PARP4: variants seen among roughly 807,000 people sequenced by gnomAD.
The protein encoded by PARP4 is protein mono-ADP-ribosyltransferase PARP4.
PARP4 carries 120 observed loss-of-function variants against 187.7 expected under a neutral mutation model. The ratio of observed to expected loss-of-function variants is 0.64; its 90% CI spans 0.55 to 0.74. The LOEUF (loss-of-function observed/expected upper bound fraction) is 0.74, where lower values mean the gene tolerates loss of function less well. Ranked by LOEUF, PARP4 falls within the 30% of genes least tolerant of loss-of-function variation. PARP4 has a pLI of 0.00. For missense variants in PARP4, 1,836 were observed against 2,070.5 expected (o/e 0.89, Z 2.20); for synonymous variants, 654 against 740.9 (o/e 0.88, Z 1.90).
intron 31 of PARP4, among the ~76,000 whole-genome samples, 175 bp downstream of exon 31, chr13:24,434,220 G>A (rs1565987668): frequency 6.6e-6 from 1 of 151,664 alleles, no homozygotes; most frequent in African/African-American, 2.4e-5. Flanking sequence ...TGTCTGTTTT[G>A]TTTTGTAGCA....
At chr13:24,423,679 T>TG (rs1460657373) in intron 33 of PARP4, among the ~76,000 whole-genome samples, 1 of 152,122 alleles carries the variant, frequency 6.6e-6, no homozygotes, top group Non-Finnish European at 1.5e-5. Flanking sequence ...TAGTAAATTA[T>TG]GATTTTCTTT....
intron 17 of PARP4, among the ~76,000 whole-genome samples, chr13:24,465,753 C>T (rs1037862696): frequency 6.9e-6 from 1 of 144,098 alleles, no homozygotes; most frequent in South Asian, 2.4e-4. Context: ...GCATGTCTTG[C>T]ACATGTATCC....
chr13:24,425,569 GTATATCTA>G (rs1207919154), intron 33 of PARP4, among the ~76,000 whole-genome samples: 9 of 136,730 alleles, frequency 6.6e-5, no homozygotes, highest in African/African-American at 1.1e-4. Context: ...GTGTGTGTGT[GTATATCTA>G]TATCTATATC....
rs754464189 is a variant in PARP4, at chr13:24,500,311, A to G, written c.401+5T>C. 1 of 1,560,918 alleles carries G rather than the reference A, an allele frequency of 6.4e-7. No homozygotes were observed. The highest frequency in any genetic ancestry group is 1.2e-5 in the South Asian group (1 of 86,396). ...AGTCCCAGGAATCAGAAAGAAGTAAATTACTCAGTGAGTTCCACAGTGTCT... is the reference window on the plus strand; with the variant it reads ...AGTCCCAGGAATCAGAAAGAAGTAAGTTACTCAGTGAGTTCCACAGTGTCT... On this transcript the variant is annotated splice_donor_5th_base_variant and intron_variant, in intron 4 of 33. Transcript: ENST00000381989.
intron 2 of PARP4, 38 bp downstream of exon 2, chr13:24,503,607 T>C (rs530200668): frequency 2.5e-6 from 4 of 1,609,096 alleles, no homozygotes; most frequent in Admixed American, 3.3e-5. Flanking sequence ...GAATGCGCAA[T>C]GTTTTATCAC....
Position 24,494,628 on chromosome 13 carries a change from A to G in PARP4, c.686T>C (p.Leu229Pro). 1 of 1,611,502 alleles carries G rather than the reference A, an allele frequency of 6.2e-7. No individual in the cohort carries two copies. Among genetic ancestry groups the G allele is most frequent in the Non-Finnish European group, 8.5e-7 (1 of 1,178,062 alleles). The change falls in exon 7 of 34, where the codon CTA becomes CCA. Residue 229 changes from leucine to proline, a missense_variant. Physicochemically the swap from Leu to Pro is moderately conservative, Grantham distance 98 (BLOSUM62 -3). Coordinates refer to ENST00000381989, the MANE Select transcript of PARP4 (RefSeq NM_006437.4). ...IEELKKQGFL[L>P]REHFTPEATQ... ...TGCTTCAGGTGTGAAATGTTCTCTT[A>G]GTAGAAATCCTTGTTTCTTCAGTTC...
At chr13:24,434,275 C>T in intron 31 of PARP4, 120 bp downstream of exon 31, 2 of 891,092 alleles carry the variant, frequency 2.2e-6, no homozygotes, top group Non-Finnish European at 3.3e-6. Context: ...ACCCAGTGTA[C>T]AACCCCTTCC....
rs1871654374 is a variant in PARP4, at chr13:24,453,621, A to G, written c.2792T>C (p.Ile931Thr). ...CTCTGCTGCCATGGTATTGCTTGTG[A>G]TATGCTTAGGATACGAAAATAGCTC... Reference protein sequence around the residue: ...YKELFSYPKHITSNTMAAEFI... With the variant: ...YKELFSYPKHTTSNTMAAEFI... Residue 931 changes from isoleucine to threonine, a missense_variant, in exon 23 of 34, where the codon ATC (isoleucine) becomes ACC (threonine). By Grantham distance (89) the Ile-to-Thr change is moderately conservative. This residue lies in a region of PARP4 where 1,147 missense variants were observed against 1,214.2 expected (regional missense o/e 0.94). Coordinates refer to ENST00000381989, the MANE Select transcript of PARP4 (RefSeq NM_006437.4). 1.2e-6 allele frequency: 2 copies of G among 1,607,450 alleles called. No individual in the cohort carries two copies.
intron 15 of PARP4, among the ~76,000 whole-genome samples, chr13:24,474,981 G>A (rs1276156043): frequency 1.3e-5 from 2 of 152,118 alleles, no homozygotes; most frequent in Admixed American, 6.5e-5. Flanking sequence ...TCCTACCTCT[G>A]AGCCTTGGCA....
intron 12 of PARP4, among the ~76,000 whole-genome samples, chr13:24,484,027 A>C (rs1420481439): frequency 6.6e-6 from 1 of 152,156 alleles, no homozygotes; most frequent in African/African-American, 2.4e-5. Context: ...GAACTCTTTA[A>C]ATATCTTGGA....
chr13:24,452,132 C>T, intron 24 of PARP4: 1 of 341,862 alleles, frequency 2.9e-6, no homozygotes, highest in Non-Finnish European at 5.3e-6. Context: ...TCATTTATTC[C>T]TCAGCAATCC....
intron 1 of PARP4, among the ~76,000 whole-genome samples, chr13:24,504,442 T>C (rs901655668): frequency 6.7e-6 from 1 of 149,768 alleles, no homozygotes; most frequent in Non-Finnish European, 1.5e-5. Flanking sequence ...GCCTCCCGAG[T>C]AGCTGGGACT....
chr13:24,424,735 G>C (rs1256363569), intron 33 of PARP4, among the ~76,000 whole-genome samples: 1 of 143,658 alleles, frequency 7.0e-6, no homozygotes, highest in Non-Finnish European at 1.5e-5. Context: ...GCAGTGGCAC[G>C]ATCTTGACTC....
intron 12 of PARP4, among the ~76,000 whole-genome samples, chr13:24,479,671 T>C (rs1330192646): frequency 1.3e-5 from 2 of 151,970 alleles, no homozygotes; most frequent in African/African-American, 4.8e-5. Context: ...AACGCACCAA[T>C]CAGCGCCCTG....
rs149329969 is a variant in PARP4, at chr13:24,479,825, C to A, written c.1449-1549G>T. On this transcript the variant is annotated intron_variant, in intron 12 of 33. Coordinates refer to ENST00000381989, the MANE Select transcript of PARP4 (RefSeq NM_006437.4). ...GGAAGCTTTGTTCTTTCGCTCTTTG[C>A]AATAAATCTTGCTACTGCTCACTCT... Among the ~76,000 whole-genome samples, 1,435 of 152,336 alleles carry A rather than the reference C, an allele frequency of 9.4e-3. 34 individuals carry two copies. Among genetic ancestry groups the A allele is most frequent in the African/African-American group, 0.032 (1,314 of 41,566 alleles).
rs1035024397 is a variant in PARP4 at position 24,503,650 on chromosome 13, G to A, written c.127C>T (p.Pro43Ser). Residue 43 changes from proline (P) to serine (S), a missense_variant, in exon 2 of 34, where the codon CCT (proline) becomes TCT (serine). By Grantham distance (74) the Pro-to-Ser change is moderately conservative. Coordinates refer to ENST00000381989, the MANE Select transcript of PARP4 (RefSeq NM_006437.4). ...TTTATGACACTTGGAAATACCTGAG[G>A]ATTTAACGAAAAGGAAAACTTTCCG... is the stretch of plus-strand genomic sequence containing the variant. ...NGGKFSFSLNPQCTHIILDNA... is the reference protein window; with the variant it reads ...NGGKFSFSLNSQCTHIILDNA... 6.2e-7 allele frequency: 1 copy of A among 1,612,406 alleles called. No individual in the cohort carries two copies. The highest frequency in any genetic ancestry group is 8.5e-7 in the Non-Finnish European group (1 of 1,179,856).
intron 6 of PARP4, among the ~76,000 whole-genome samples, chr13:24,494,936 A>G (rs1868865113): frequency 6.6e-6 from 1 of 151,988 alleles, no homozygotes; most frequent in Admixed American, 6.5e-5. Context: ...CAGTAGCACA[A>G]TCTCAACTCA....
In PARP4 at chr13:24,434,888, C is replaced by G; in HGVS notation, c.4253G>C (p.Gly1418Ala). The G allele has an allele frequency of 1.2e-6, 2 of 1,614,144 alleles. No homozygotes were observed. Among genetic ancestry groups the G allele is most frequent in the Non-Finnish European group, 1.7e-6 (2 of 1,180,026 alleles). Residue 1418 changes from glycine to alanine, a missense_variant, in exon 31 of 34, where the codon GGA becomes GCA. Transcript: ENST00000381989. ...SAQSAPLQHP[G>A]GFTTRPSAGT... ...AGCAGAAGGCCTGGTAGTAAAGCCT[C>G]CAGGATGTTGCAGTGGAGCAGACTG...
intron 27 of PARP4, among the ~76,000 whole-genome samples, chr13:24,444,685 T>C (rs376396031): frequency 1.3e-5 from 2 of 152,294 alleles, no homozygotes; most frequent in East Asian, 1.9e-4. Context: ...AAAGCTAAAA[T>C]AGGCCACCCC....
Sources: allele counts gnomAD v4.1 joint callset (sites outside exome capture counted in the v4.1 genomes callset), GRCh38; gene constraint gnomAD v4.1.1; regional missense constraint gnomAD v4.1.1; transcripts MANE v1.5; gene names NCBI Gene and HGNC (gene_info 2026-07-23, HGNC 2026-07-21).